The following TMPRSS4 variants were observed in gnomAD, a reference collection of about 807,000 sequenced individuals.
TMPRSS4 encodes the protein transmembrane protease serine 4.
A neutral mutation model predicts 56.4 loss-of-function variants in TMPRSS4; 45 were observed. That is an observed-to-expected ratio of 0.80 (90% CI 0.63 to 1.02). The LOEUF is 1.02. TMPRSS4 is among the 50% of genes least tolerant of loss of function. The pLI is 0.00. For missense variants in TMPRSS4, 546 were observed against 556.7 expected, an observed-to-expected ratio of 0.98 and a Z score of 0.19; for synonymous variants, 205 against 211.0, an observed-to-expected ratio of 0.97 and a Z score of 0.25.
chr11:118,111,868 C>G lies in TMPRSS4; in HGVS notation c.711C>G (p.Pro237=). Residue 237 remains proline (P), a synonymous_variant, in exon 8 of 13, where the codon CCC becomes CCG. Coordinates refer to ENST00000437212, the MANE Select transcript of TMPRSS4 (RefSeq NM_019894.4). ...TCTGTGGAGGGAGCATCCTGGACCC[C>G]CACTGGGTCCTCACGGCAGCCCACT... ...QHVCGGSILD[P]HWVLTAAHCF... The G allele has an allele frequency of 3.1e-6, 5 of 1,609,574 alleles. No individual in the cohort carries two copies. The highest frequency in any genetic ancestry group is 4.2e-6 in the Non-Finnish European group (5 of 1,178,122).
chr11:118,078,250 A>C (rs1196154974), intron 1 of TMPRSS4, among the ~76,000 whole-genome samples: 1 of 151,962 alleles, frequency 6.6e-6, no homozygotes, highest in Non-Finnish European at 1.5e-5. Context: ...AGAGATAATA[A>C]CTGGGTCTGA....
At chr11:118,084,192 T>A (rs1383101583) in intron 1 of TMPRSS4, among the ~76,000 whole-genome samples, 1 of 152,174 alleles carries the variant, frequency 6.6e-6, no homozygotes, top group East Asian at 1.9e-4. Flanking sequence ...CTGAGTTTCT[T>A]GGTGGTTCAA....
intron 3 of TMPRSS4, among the ~76,000 whole-genome samples, chr11:118,100,343 C>T (rs1467225581): frequency 3.9e-5 from 6 of 152,202 alleles, no homozygotes; most frequent in African/African-American, 9.6e-5. Context: ...GAATAGCTGG[C>T]CTTTCAGGAA....
rs558942837 is a variant in TMPRSS4, at chr11:118,099,779, A to C, written c.157+681A>C. 2.6e-5 allele frequency among the ~76,000 whole-genome samples: 4 copies of C among 152,240 alleles called. No homozygotes were observed. In the East Asian group the frequency reaches 5.8e-4, roughly 22 times the overall value. On this transcript the variant is annotated intron_variant, in intron 3 of 12. Coordinates refer to ENST00000437212, the MANE Select transcript of TMPRSS4 (RefSeq NM_019894.4). ...TGCTTGTGAGGAGGGGAGAAAGAGGAGGCAGCAGGGAAGACCCCCCAGGCA... is the reference window on the plus strand; with the variant it reads ...TGCTTGTGAGGAGGGGAGAAAGAGGCGGCAGCAGGGAAGACCCCCCAGGCA...
Position 118,113,365 on chromosome 11 carries a change from A to G in TMPRSS4, c.840A>G (p.Glu280=). 1 of 1,614,156 alleles carries G rather than the reference A, an allele frequency of 6.2e-7. No homozygotes were observed. The highest frequency in any genetic ancestry group is 8.5e-7 in the Non-Finnish European group (1 of 1,180,012). The stretch of plus-strand genomic sequence containing the variant: ...CTGTGGCCAAGATCATCATCATTGA[A>G]TTCAACCCCATGTACCCCAAAGACA... ...SLAVAKIIII[E]FNPMYPKDND... is the part of the protein sequence containing the mutation. The change falls in exon 9 of 13, where the codon GAA becomes GAG. Residue 280 remains glutamate, a synonymous_variant. Coordinates refer to ENST00000437212, the MANE Select transcript of TMPRSS4 (RefSeq NM_019894.4).
rs973602132 is a variant in TMPRSS4 at position 118,119,196 on chromosome 11, G to A, written c.*1283G>A. 9.1e-6 allele frequency: 9 copies of A among 985,288 alleles called. No homozygotes were observed. The highest frequency in any genetic ancestry group is 1.7e-5 in the African/African-American group (1 of 57,214). The allele number at this position is 985,288 out of a possible 1,614,324, so 61.0% of individuals were successfully genotyped here. ...ATCAGAACTGTGAGTGGAAACTAAG[G>A]TGATGATCTGGGAGCAATACACTAA... On this transcript the variant is annotated 3_prime_UTR_variant, in exon 13 of 13. Transcript: ENST00000437212.
At chr11:118,082,275 G>C (rs1945192791) in intron 1 of TMPRSS4, among the ~76,000 whole-genome samples, 1 of 152,110 alleles carries the variant, frequency 6.6e-6, no homozygotes, top group Admixed American at 6.5e-5. Flanking sequence ...AGAAATTGAG[G>C]CTCAGCCGGG....
intron 1 of TMPRSS4, among the ~76,000 whole-genome samples, chr11:118,089,875 G>C (rs7924359): frequency 0.62 from 94,450 of 151,968 alleles, 30,425 homozygotes; most frequent in South Asian, 0.73. Context: ...GAGATGGAGT[G>C]TTGCTCTGTC....
At position 118,095,064 on chromosome 11, in the gene TMPRSS4, A is replaced by T; in HGVS notation, c.43+209A>T. On this transcript the variant is annotated intron_variant, in intron 2 of 12. Coordinates refer to ENST00000437212, the MANE Select transcript of TMPRSS4 (RefSeq NM_019894.4). Reference sequence around the variant, plus strand: ...GAGGCCTGGACTCTGGGGAAACAGGACCAACAAACCTAAAATCCCCAAAGC... The same window carrying T: ...GAGGCCTGGACTCTGGGGAAACAGGTCCAACAAACCTAAAATCCCCAAAGC... The T allele has an allele frequency of 6.7e-6, 4 of 601,494 alleles. No homozygotes were observed. In the South Asian group the frequency reaches 7.8e-5, roughly 12 times the overall value. 37.3% of individuals were successfully genotyped at this position (601,494 alleles called of 1,614,324 possible).
At chr11:118,107,992 G>C in intron 6 of TMPRSS4, 117 bp downstream of exon 6, 1 of 762,428 alleles carries the variant, frequency 1.3e-6, no homozygotes, top group Non-Finnish European at 2.2e-6. Context: ...CAGACATCAG[G>C]AAGAACTCCT....
In TMPRSS4 at chr11:118,111,730, C is replaced by T. The variant is rs780575571; in HGVS notation, c.584-11C>T. ...ACTTCCTGCCTCCTCCCTGCCTCTG[C>T]CTGTGTCCAGCCTGTGGGAAGAGCC... On this transcript the variant is annotated splice_polypyrimidine_tract_variant and intron_variant, in intron 7 of 12. Coordinates refer to ENST00000437212, the MANE Select transcript of TMPRSS4 (RefSeq NM_019894.4). 24 of 1,553,792 alleles carry T rather than the reference C, an allele frequency of 1.5e-5. No homozygotes were observed. The Middle Eastern group carries it at 5.1e-4, about 33-fold the overall frequency.
chr11:118,107,570 G>T, intron 5 of TMPRSS4: 1 of 468,714 alleles, frequency 2.1e-6, no homozygotes, highest in Non-Finnish European at 3.8e-6. Context: ...ACTGAGGGTT[G>T]AGTCCTGGGA....
At chr11:118,096,905 AAGAAAGGG>A (rs1448276529) in intron 2 of TMPRSS4, among the ~76,000 whole-genome samples, 2 of 44,110 alleles carry the variant, frequency 4.5e-5, no homozygotes, top group Admixed American at 2.2e-4. Context: ...GAAAGAAAGA[AAGAAAGGG>A]AGAGAGAAAG....
intron 11 of TMPRSS4, among the ~76,000 whole-genome samples, chr11:118,116,344 C>A (rs947613205): frequency 1.3e-5 from 2 of 152,204 alleles, no homozygotes; most frequent in African/African-American, 4.8e-5. Context: ...TTAGTCATCG[C>A]ATGTGTGCCA....
At chr11:118,092,569 GT>G (rs1256376529) in intron 1 of TMPRSS4, among the ~76,000 whole-genome samples, 2 of 152,248 alleles carry the variant, frequency 1.3e-5, no homozygotes, top group African/African-American at 4.8e-5. Flanking sequence ...CTTAGAAGCA[GT>G]TTGGGGAGGG....
chr11:118,089,894 T>G (rs902369420), intron 1 of TMPRSS4, among the ~76,000 whole-genome samples: 1 of 152,162 alleles, frequency 6.6e-6, no homozygotes, highest in African/African-American at 2.4e-5. Flanking sequence ...TCCCCCAGGC[T>G]GGAGTGCTGT....
chr11:118,118,208 C>A lies in TMPRSS4; in HGVS notation c.*295C>A, dbSNP rs1316112704. 1.5e-6 allele frequency: 2 copies of A among 1,336,046 alleles called. No individual in the cohort carries two copies. The highest frequency in any genetic ancestry group is 2.9e-5 in the East Asian group (1 of 34,388). The allele number at this position is 1,336,046 out of a possible 1,614,324, so 82.8% of individuals were successfully genotyped here. ...GGGGTATTGCTAAGCCAAGAAGGAA[C>A]TTTCCCACACTACTGAATGGAAGCA... On this transcript the variant is annotated 3_prime_UTR_variant, in exon 13 of 13. Coordinates refer to ENST00000437212, the MANE Select transcript of TMPRSS4 (RefSeq NM_019894.4).
chr11:118,091,848 AGTCGTCCGATTGG>A (rs1945988188), intron 1 of TMPRSS4, among the ~76,000 whole-genome samples: 1 of 152,148 alleles, frequency 6.6e-6, no homozygotes, highest in Non-Finnish European at 1.5e-5. Context: ...AACAATGCAG[AGTCGTCCGATTGG>A]GTCTCATCTT....
intron 2 of TMPRSS4, among the ~76,000 whole-genome samples, chr11:118,095,765 C>A (rs1322669533): frequency 6.6e-6 from 1 of 152,192 alleles, no homozygotes; most frequent in Non-Finnish European, 1.5e-5. Context: ...CCAAATTACA[C>A]TGGCTTTGAA....
Sources: allele counts gnomAD v4.1 joint callset (sites outside exome capture counted in the v4.1 genomes callset), GRCh38; gene constraint gnomAD v4.1.1; transcripts MANE v1.5; gene names NCBI Gene and HGNC (gene_info 2026-07-23, HGNC 2026-07-21).